The following GUCY2D variants were observed in gnomAD, a reference collection of about 807,000 sequenced individuals.
GUCY2D encodes guanylate cyclase 2D, retinal, also known as retinal guanylyl cyclase 1.
Under a neutral mutation model 101.3 loss-of-function variants are expected in GUCY2D, and 70 were observed. The ratio of observed to expected loss-of-function variants is 0.69; its 90% confidence interval spans 0.57 to 0.84. The LOEUF (loss-of-function observed/expected upper bound fraction) is 0.84, where lower values mean the gene tolerates loss of function less well. Among genes scored for constraint, GUCY2D ranks in the 40% least tolerant of loss-of-function variants. The probability of loss-of-function intolerance (pLI) is 0.00; values close to 1 mark genes in which losing one functional copy is unlikely to be tolerated. For missense variants in GUCY2D, 1,460 were observed against 1,542.5 expected, an observed-to-expected ratio of 0.95 and a Z score of 0.90; for synonymous variants, 688 against 670.7, an observed-to-expected ratio of 1.03 and a Z score of -0.40.
Position 8,007,543 on chromosome 17 carries a change from G to A in GUCY2D, c.1566+15G>A. 1.3e-6 allele frequency: 2 copies of A among 1,487,162 alleles called. No individual in the cohort carries two copies. The highest frequency in any genetic ancestry group is 2.3e-5 in the South Asian group (2 of 88,668). The allele number at this position is 1,487,162 out of a possible 1,614,324, so 92.1% of individuals were successfully genotyped here. A position where few individuals can be genotyped will look rare whatever the true frequency, so the allele number is the denominator to read the frequency against. ...CCTCTCGAAAGGTGGGGGAGGCAGA[G>A]AGGCAGGAGCCAGTTGTCTTCTTTC... is the stretch of plus-strand genomic sequence containing the variant. On this transcript the variant is annotated intron_variant, in intron 6 of 19. Coordinates refer to ENST00000254854, the MANE Select transcript of GUCY2D (RefSeq NM_000180.4).
In GUCY2D at chr17:8,015,486, C is replaced by A. The variant is rs761309365; in HGVS notation, c.2928C>A (p.Arg976=). ...TGCCTGAGGTTCCCGTGCGCATCCG[C>A]ATAGGCCTGCACTCGGGTAACTCCC... ...RHMPEVPVRI[R]IGLHSGPCVA... The change falls in exon 15 of 20, where the codon CGC becomes CGA. Residue 976 remains arginine (R), a synonymous_variant. Transcript: ENST00000254854. 6.2e-7 allele frequency: 1 copy of A among 1,612,252 alleles called. No homozygotes were observed. The highest frequency in any genetic ancestry group is 1.7e-5 in the Admixed American group (1 of 59,994).
Position 8,013,728 on chromosome 17 carries a change from C to T in GUCY2D, c.2264-152C>T. On this transcript the variant is annotated intron_variant, in intron 11 of 19. Coordinates refer to ENST00000254854, the MANE Select transcript of GUCY2D (RefSeq NM_000180.4). This position sits in a 1 kb window ranked among gnomAD's most constrained non-coding sequence, Gnocchi z 5.0. ...TAGCAACCCCCTTCCACACTATACT[C>T]TCCCTCCACACACACACACTGAACC... 1.4e-6 allele frequency: 1 copy of T among 692,564 alleles called. No individual in the cohort carries two copies. The highest frequency in any genetic ancestry group is 2.1e-5 in the Admixed American group (1 of 47,948). 42.9% of individuals were successfully genotyped at this position (692,564 alleles called of 1,614,324 possible).
Position 8,002,976 on chromosome 17 carries a change from C to G in GUCY2D, c.-9-63C>G. ...TCGGGCTTGGAGAAACTCGGGGTTA[C>G]GGGGAGAACCCTAGGGGAGGCCGGG... On this transcript the variant is annotated intron_variant, in intron 1 of 19. Transcript: ENST00000254854. This position sits in a 1 kb window ranked among gnomAD's most constrained non-coding sequence, Gnocchi z 4.9. 7.8e-7 allele frequency: 1 copy of G among 1,288,692 alleles called. No individual in the cohort carries two copies. The highest frequency in any genetic ancestry group is 1.1e-6 in the Non-Finnish European group (1 of 940,286). 79.8% of individuals were successfully genotyped at this position (1,288,692 alleles called of 1,614,324 possible).
At position 8,016,005 on chromosome 17, in the gene GUCY2D, G is replaced by A. The variant is rs1975964730; in HGVS notation, c.3122G>A (p.Gly1041Asp). The A allele has an allele frequency of 6.2e-7, 1 of 1,608,410 alleles. No individual in the cohort carries two copies. ...TCGGGCTACCAGGTGGAGCTGCGAG[G>A]CCGCACGGAGCTGAAGGTGAGGCAG... Reference protein sequence around the residue: ...LDSGYQVELRGRTELKGKGAE... With the variant: ...LDSGYQVELRDRTELKGKGAE... Residue 1041 changes from glycine to aspartate, a missense_variant, in exon 17 of 20, where the codon GGC becomes GAC. By Grantham distance (94) the Gly-to-Asp change is moderately conservative. Around this residue, in one of 3 missense-constraint regions of GUCY2D, gnomAD observed 215 missense variants for 227.9 expected, o/e 0.94. Transcript: ENST00000254854.
intron 3 of GUCY2D, among the ~76,000 whole-genome samples, chr17:8,004,482 G>A (rs1054780307): frequency 6.6e-6 from 1 of 152,106 alleles, no homozygotes; most frequent in Non-Finnish European, 1.5e-5. Flanking sequence ...TAAATACTTG[G>A]TGTTCTTGAA....
chr17:8,016,605 G>A (rs1975983700), intron 19 of GUCY2D, 51 bp downstream of exon 19: 1 of 933,490 alleles, frequency 1.1e-6, no homozygotes, highest in Non-Finnish European at 1.7e-6. Context: ...TCTGCTGCCT[G>A]CAGAACGTCC....
At position 8,011,559 on chromosome 17, in the gene GUCY2D, A is replaced by G. The variant is rs1485446998; in HGVS notation, c.1750-585A>G. On this transcript the variant is annotated intron_variant, in intron 8 of 19. Coordinates refer to ENST00000254854, the MANE Select transcript of GUCY2D (RefSeq NM_000180.4). This position sits in a 1 kb window ranked among gnomAD's most constrained non-coding sequence, Gnocchi z 4.3. ...TGGCTGGGGCCAGGTGTGGTGGCTC[A>G]GGCCTATAATCCCAGCACTTTGGGA... is the stretch of plus-strand genomic sequence containing the variant. Among the ~76,000 whole-genome samples the G allele has an allele frequency of 6.6e-6, 1 of 152,156 alleles. No homozygotes were observed. The highest frequency in any genetic ancestry group is 1.5e-5 in the Non-Finnish European group (1 of 68,030).
intron 19 of GUCY2D, chr17:8,016,862 A>C (rs944907735): frequency 9.5e-6 from 3 of 316,212 alleles, no homozygotes; most frequent in Non-Finnish European, 1.8e-5. Context: ...TGTGCACTGC[A>C]CAAGAGACAA....
In GUCY2D at chr17:8,006,580, T is replaced by G; in HGVS notation, c.1244T>G (p.Phe415Cys). 6.2e-7 allele frequency: 1 copy of G among 1,613,702 alleles called. No homozygotes were observed. Among genetic ancestry groups the G allele is most frequent in the Non-Finnish European group, 8.5e-7 (1 of 1,179,998 alleles). The change falls in exon 4 of 20, where the codon TTT becomes TGT. Residue 415 changes from phenylalanine (F) to cysteine (C), a missense_variant. Coordinates refer to ENST00000254854, the MANE Select transcript of GUCY2D (RefSeq NM_000180.4). ...LDTDAAGDRL[F>C]ATYMLDPARG... ...ACGGACGCGGCGGGAGACCGGCTTT[T>G]TGCCACATACATGCTGGATCCTGCC...
intron 3 of GUCY2D, among the ~76,000 whole-genome samples, chr17:8,005,866 GT>G: frequency 6.6e-6 from 1 of 152,262 alleles, no homozygotes; most frequent in Non-Finnish European, 1.5e-5. Flanking sequence ...AATAGAGAAG[GT>G]TTTTTGTTTG....
At chr17:8,009,385 G>T in intron 7 of GUCY2D, 121 bp from the exon 8 acceptor site, 1 of 787,366 alleles carries the variant, frequency 1.3e-6, no homozygotes, top group South Asian at 1.3e-5. Context: ...AATGCATTTT[G>T]TCACATGGAA....
Position 8,014,769 on chromosome 17 carries a change from G to A in GUCY2D, c.2576+5G>A. ...GCTTACACAGATGCTGCCTCCGTGG[G>A]TGCCAGTGGGAAGGGGTGGGCTGGG... On this transcript the variant is annotated splice_donor_5th_base_variant and intron_variant, in intron 13 of 19. Transcript: ENST00000254854. The surrounding 1 kb of genome is among the most constrained non-coding windows in gnomAD (Gnocchi z 4.0). 1 of 1,611,968 alleles carries A rather than the reference G, an allele frequency of 6.2e-7. No individual in the cohort carries two copies. The highest frequency in any genetic ancestry group is 8.5e-7 in the Non-Finnish European group (1 of 1,178,464).
chr17:8,015,293 C>A, intron 14 of GUCY2D, 35 bp from the exon 15 acceptor site: 1 of 1,592,552 alleles, frequency 6.3e-7, no homozygotes, highest in Non-Finnish European at 8.5e-7. Context: ...GGGGAATGCT[C>A]AAAAGAAAAT....
chr17:8,016,858 C>T, intron 19 of GUCY2D: 1 of 353,322 alleles, frequency 2.8e-6, no homozygotes, highest in Non-Finnish European at 5.3e-6. Context: ...AGGCTGTGCA[C>T]TGCACAAGAG....
At chr17:8,007,784 C>T (rs368330301) in intron 6 of GUCY2D, 147 bp from the exon 7 acceptor site, 18 of 707,288 alleles carry the variant, frequency 2.5e-5, no homozygotes, top group Middle Eastern at 2.3e-4. Flanking sequence ...GTAAAGCGTG[C>T]ACTTGGGGAG....
chr17:8,017,725 T>C (rs1032846635), intron 19 of GUCY2D, among the ~76,000 whole-genome samples: 1 of 152,164 alleles, frequency 6.6e-6, no homozygotes, highest in Non-Finnish European at 1.5e-5. Flanking sequence ...TCTCACTTTG[T>C]CACCCAGGCT....
At position 8,013,729 on chromosome 17, in the gene GUCY2D, T is replaced by C. The variant is rs1975902993; in HGVS notation, c.2264-151T>C. The stretch of plus-strand genomic sequence containing the variant: ...AGCAACCCCCTTCCACACTATACTC[T>C]CCCTCCACACACACACACTGAACCT... On this transcript the variant is annotated intron_variant, in intron 11 of 19. Coordinates refer to ENST00000254854, the MANE Select transcript of GUCY2D (RefSeq NM_000180.4). The surrounding 1 kb of genome is among the most constrained non-coding windows in gnomAD (Gnocchi z 5.0). 2.9e-6 allele frequency: 2 copies of C among 693,098 alleles called. No individual in the cohort carries two copies. Among genetic ancestry groups the C allele is most frequent in the Admixed American group, 2.1e-5 (1 of 48,040 alleles). The allele number at this position is 693,098 out of a possible 1,614,324, so 42.9% of individuals were successfully genotyped here.
Position 8,014,519 on chromosome 17 carries a change from T to G in GUCY2D, c.2413-82T>G. 1 of 1,300,720 alleles carries G rather than the reference T, an allele frequency of 7.7e-7. No homozygotes were observed. The highest frequency in any genetic ancestry group is 1.2e-5 in the South Asian group (1 of 84,400). The allele number at this position is 1,300,720 out of a possible 1,614,324, so 80.6% of individuals were successfully genotyped here. A position where few individuals can be genotyped will look rare whatever the true frequency, so the allele number is the denominator to read the frequency against. ...TTGGGGTTCAGAGTGAACAGCCCCA[T>G]GAGAGGGCCCATGAGGGGGGCATAA... On this transcript the variant is annotated intron_variant, in intron 12 of 19. Transcript: ENST00000254854. The surrounding 1 kb of genome is among the most constrained non-coding windows in gnomAD (Gnocchi z 4.0).
At position 8,015,250 on chromosome 17, in the gene GUCY2D, C is replaced by T; in HGVS notation, c.2770-78C>T. The T allele has an allele frequency of 3.6e-6, 5 of 1,394,152 alleles. No individual in the cohort carries two copies. The South Asian group carries it at 5.8e-5, about 16-fold the overall frequency. 86.4% of individuals were successfully genotyped at this position (1,394,152 alleles called of 1,614,324 possible). On this transcript the variant is annotated intron_variant, in intron 14 of 19. Coordinates refer to ENST00000254854, the MANE Select transcript of GUCY2D (RefSeq NM_000180.4). ...GTTCTGCACTAACCCCAGGTGGGCC[C>T]GGTGACAAGAGGCAATCGCTTCGTG... is the stretch of plus-strand genomic sequence containing the variant.
Sources: allele counts gnomAD v4.1 joint callset (sites outside exome capture counted in the v4.1 genomes callset), GRCh38; gene constraint gnomAD v4.1.1; regional missense constraint gnomAD v4.1.1; non-coding constraint Gnocchi (gnomAD v3.1); transcripts MANE v1.5; gene names NCBI Gene and HGNC (gene_info 2026-07-23, HGNC 2026-07-21).